The following C4orf17 variants were observed in gnomAD, a reference collection of about 807,000 sequenced individuals.
C4orf17 encodes the protein chromosome 4 open reading frame 17.
C4orf17 carries 25 observed loss-of-function variants against 32.0 expected under a neutral mutation model. That is an observed-to-expected ratio of 0.78 (90% confidence interval 0.57 to 1.09). The LOEUF is 1.09. Ranked by LOEUF, C4orf17 falls within the 50% of genes least tolerant of loss-of-function variation. The pLI is 0.00. For missense variants in C4orf17, 420 were observed against 420.0 expected, an observed-to-expected ratio of 1.00 and a Z score of 0.00; for synonymous variants, 149 against 145.8, an observed-to-expected ratio of 1.02 and a Z score of -0.16.
chr4:99,511,828 A>G (rs1396469224), intron 1 of C4orf17, among the ~76,000 whole-genome samples: 2 of 152,188 alleles, frequency 1.3e-5, no homozygotes, highest in Non-Finnish European at 2.9e-5. Context: ...ATTCATAAAC[A>G]GCAATAAGAA....
At chr4:99,520,688 C>T (rs923746005) in intron 2 of C4orf17, among the ~76,000 whole-genome samples, 1 of 152,112 alleles carries the variant, frequency 6.6e-6, no homozygotes, top group African/African-American at 2.4e-5. Flanking sequence ...ATTTGTCTGC[C>T]TTAGAAATCT....
intron 6 of C4orf17, among the ~76,000 whole-genome samples, chr4:99,538,388 G>A (rs1723594257): frequency 6.6e-6 from 1 of 152,186 alleles, no homozygotes; most frequent in African/African-American, 2.4e-5. Context: ...TTTCTGACAA[G>A]TTCTCAGGTG....
Position 99,512,983 on chromosome 4 carries a change from T to C in C4orf17, c.-93-6T>C, listed in dbSNP as rs1723120532. On this transcript the variant is annotated splice_region_variant and splice_polypyrimidine_tract_variant and intron_variant, in intron 1 of 8. Transcript: ENST00000326581. ...TGTCAGAATGTTTGTCATTTTGTGATTTCAGGGTCTGAGCACATCTGGAAG... is the reference window on the plus strand; with the variant it reads ...TGTCAGAATGTTTGTCATTTTGTGACTTCAGGGTCTGAGCACATCTGGAAG... 3 of 1,223,252 alleles carry C rather than the reference T, an allele frequency of 2.5e-6. No individual in the cohort carries two copies. In the East Asian group the frequency reaches 7.2e-5, roughly 29 times the overall value. 75.8% of individuals were successfully genotyped at this position (1,223,252 alleles called of 1,614,324 possible). A position where few individuals can be genotyped will look rare whatever the true frequency, so the allele number is the denominator to read the frequency against.
chr4:99,542,279 A>G lies in C4orf17; in HGVS notation c.*170A>G. On this transcript the variant is annotated 3_prime_UTR_variant, in exon 9 of 9. Coordinates refer to ENST00000326581, the MANE Select transcript of C4orf17 (RefSeq NM_032149.3). The stretch of plus-strand genomic sequence containing the variant: ...TAATGCTACAAATAAATATTACTGG[A>G]AATGATATTTCCATTTGTAGTTAAT... 1 of 634,996 alleles carries G rather than the reference A, an allele frequency of 1.6e-6. No homozygotes were observed. Among genetic ancestry groups the G allele is most frequent in the East Asian group, 2.8e-5 (1 of 36,004 alleles). The allele number at this position is 634,996 out of a possible 1,614,324, so 39.3% of individuals were successfully genotyped here.
At chr4:99,518,339 A>AG (rs2110166175) in intron 2 of C4orf17, among the ~76,000 whole-genome samples, 1 of 151,158 alleles carries the variant, frequency 6.6e-6, no homozygotes, top group African/African-American at 2.4e-5. Context: ...GGATCGCTTG[A>AG]GGTGGGGAGT....
At chr4:99,538,816 A>G (rs952375516) in intron 6 of C4orf17, among the ~76,000 whole-genome samples, 13 of 152,182 alleles carry the variant, frequency 8.5e-5, no homozygotes, top group African/African-American at 2.4e-4. Flanking sequence ...CTGTATTTTA[A>G]TGGAATCATA....
At chr4:99,518,585 G>GAGAGA (rs1560585698) in intron 2 of C4orf17, among the ~76,000 whole-genome samples, 4 of 61,110 alleles carry the variant, frequency 6.5e-5, no homozygotes, top group Non-Finnish European at 1.3e-4. Context: ...AGAGAGAGAG[G>GAGAGA]GAGGGAGACA....
intron 2 of C4orf17, among the ~76,000 whole-genome samples, chr4:99,518,408 C>T (rs950960351): frequency 1.4e-5 from 2 of 145,580 alleles, no homozygotes; most frequent in African/African-American, 5.2e-5. Context: ...TCACCTGAGC[C>T]CCGAGTTCAA....
chr4:99,540,273 T>C (rs1408686175), intron 7 of C4orf17, 139 bp from the exon 8 acceptor site: 1 of 546,210 alleles, frequency 1.8e-6, no homozygotes, highest in African/African-American at 1.9e-5. Flanking sequence ...TTTAATACTG[T>C]ATGCATTAAA....
chr4:99,542,159 A>C lies in C4orf17; in HGVS notation c.*50A>C. The C allele has an allele frequency of 6.8e-7, 1 of 1,477,376 alleles. No homozygotes were observed. Among genetic ancestry groups the C allele is most frequent in the South Asian group, 1.2e-5 (1 of 86,030 alleles). The allele number at this position is 1,477,376 out of a possible 1,614,324, so 91.5% of individuals were successfully genotyped here. On this transcript the variant is annotated 3_prime_UTR_variant, in exon 9 of 9. Coordinates refer to ENST00000326581, the MANE Select transcript of C4orf17 (RefSeq NM_032149.3). ...TCATGAATATGAGCTTCACATTTAC[A>C]TCATCAAATTATTTTTCAAATGAAT...
chr4:99,515,313 T>C (rs369122648), intron 2 of C4orf17, among the ~76,000 whole-genome samples: 1 of 152,018 alleles, frequency 6.6e-6, no homozygotes, highest in East Asian at 1.9e-4. Flanking sequence ...CCATCAATGA[T>C]AGGCCGGATA....
intron 5 of C4orf17, among the ~76,000 whole-genome samples, chr4:99,535,715 C>A (rs2110173348): frequency 6.6e-6 from 1 of 152,224 alleles, no homozygotes; most frequent in East Asian, 1.9e-4. Flanking sequence ...TATTACCCAC[C>A]TTCTGAAGCC....
At position 99,537,728 on chromosome 4, in the gene C4orf17, G is replaced by T. The variant is rs1257881125; in HGVS notation, c.606G>T (p.Trp202Cys). 2.5e-6 allele frequency: 4 copies of T among 1,612,080 alleles called. No homozygotes were observed. In the African/African-American group the frequency reaches 5.3e-5, roughly 22 times the overall value. ...HTDSLAEVLQ[W>C]LLHATSKEKE... ...ATTCTCTGGCAGAAGTTTTACAGTG[G>T]CTGCTTCATGCAACTTCAAAAGGTG... Residue 202 changes from tryptophan to cysteine, a missense_variant, in exon 6 of 9, where the codon TGG becomes TGT. By Grantham distance (215) the Trp-to-Cys change is radical. Transcript: ENST00000326581.
chr4:99,527,884 A>G (rs1398671873), intron 4 of C4orf17, among the ~76,000 whole-genome samples: 1 of 152,184 alleles, frequency 6.6e-6, no homozygotes, highest in Non-Finnish European at 1.5e-5. Flanking sequence ...AAGCTCTCTT[A>G]TTAGGCATAA....
chr4:99,535,938 G>T (rs1375023984), intron 5 of C4orf17: 4 of 439,368 alleles, frequency 9.1e-6, no homozygotes, highest in Non-Finnish European at 1.8e-5. Context: ...TGTTGTTGTT[G>T]TTTTTTTCTG....
At chr4:99,512,940 A>G (rs552284860) in intron 1 of C4orf17, 49 bp from the exon 2 acceptor site, 2 of 782,992 alleles carry the variant, frequency 2.6e-6, no homozygotes, top group East Asian at 2.7e-5. Context: ...GATATATAAG[A>G]AAGTGACAAG....
chr4:99,520,089 ATTTTTT>A (rs33976011), intron 2 of C4orf17, among the ~76,000 whole-genome samples: 1 of 139,644 alleles, frequency 7.2e-6, no homozygotes, highest in Non-Finnish European at 1.5e-5. Flanking sequence ...CCCACATTTA[ATTTTTT>A]TTTTTTTTTT....
In C4orf17 at chr4:99,541,915, G is replaced by A; in HGVS notation, c.886G>A (p.Glu296Lys). 1 of 1,611,334 alleles carries A rather than the reference G, an allele frequency of 6.2e-7. No homozygotes were observed. The highest frequency in any genetic ancestry group is 8.5e-7 in the Non-Finnish European group (1 of 1,178,662). ...EENKEVPKEAEHKPPLLIRRN... is the reference protein window; with the variant it reads ...EENKEVPKEAKHKPPLLIRRN... ...GATTTTTTTCTCTATTTCAGAGGCTGAGCACAAGCCTCCACTACTTATAAG... is the reference window on the plus strand; with the variant it reads ...GATTTTTTTCTCTATTTCAGAGGCTAAGCACAAGCCTCCACTACTTATAAG... Residue 296 changes from glutamate to lysine, a missense_variant, in exon 9 of 9, where the codon GAG (glutamate) becomes AAG (lysine). By Grantham distance (56) the Glu-to-Lys change is moderately conservative. Transcript: ENST00000326581.
At chr4:99,522,400 T>G (rs1723301554) in intron 2 of C4orf17, 100 bp from the exon 3 acceptor site, 1 of 904,154 alleles carries the variant, frequency 1.1e-6, no homozygotes, top group Non-Finnish European at 1.7e-6. Flanking sequence ...ATACATTTAA[T>G]GATATTTGGT....
Sources: allele counts gnomAD v4.1 joint callset (sites outside exome capture counted in the v4.1 genomes callset), GRCh38; gene constraint gnomAD v4.1.1; transcripts MANE v1.5; gene names NCBI Gene and HGNC (gene_info 2026-07-23, HGNC 2026-07-21).